ABCA10: variants seen among roughly 807,000 people sequenced by gnomAD.
ABCA10 encodes the protein ATP-binding cassette sub-family A member 10.
In ABCA10, 169 loss-of-function variants were observed where a neutral mutation model predicts 187.5. The observed-to-expected ratio is 0.90, with a 90% CI of 0.80 to 1.02. ABCA10 has a LOEUF of 1.02. ABCA10 is among the 50% of genes least tolerant of loss of function. The probability of loss-of-function intolerance (pLI) is 0.00; values close to 1 mark genes in which losing one functional copy is unlikely to be tolerated. For missense variants in ABCA10, 1,727 were observed against 1,812.4 expected (o/e 0.95, Z 0.86); for synonymous variants, 574 against 601.8 (o/e 0.95, Z 0.68).
At chr17:69,175,280 T>C (rs2074325891) in intron 23 of ABCA10, 126 bp downstream of exon 23, 2 of 755,700 alleles carry the variant, frequency 2.6e-6, no homozygotes, top group Non-Finnish European at 4.2e-6. Context: ...ATACTGATAT[T>C]AGATTGTAAT....
intron 32 of ABCA10, 115 bp downstream of exon 32, chr17:69,153,716 T>C (rs1428968153): frequency 1.4e-6 from 2 of 1,462,432 alleles, no homozygotes; most frequent in Non-Finnish European, 1.8e-6. Context: ...ATTTGAATCA[T>C]TTTATTTGCA....
chr17:69,239,008 G>A, intron 1 of ABCA10, among the ~76,000 whole-genome samples: 1 of 152,180 alleles, frequency 6.6e-6, no homozygotes, highest in East Asian at 1.9e-4. Flanking sequence ...CCTAGCTGTT[G>A]TCAAAGATAA....
At chr17:69,243,555 T>C (rs755178598) in intron 1 of ABCA10, among the ~76,000 whole-genome samples, 2 of 152,372 alleles carry the variant, frequency 1.3e-5, no homozygotes, top group African/African-American at 4.8e-5. Flanking sequence ...TATGCAAGTG[T>C]GGCTGCAAGC....
intron 1 of ABCA10, among the ~76,000 whole-genome samples, chr17:69,238,408 C>T (rs1347722813): frequency 6.6e-6 from 1 of 152,116 alleles, no homozygotes; most frequent in African/African-American, 2.4e-5. Flanking sequence ...GTCAAGAAAA[C>T]AATGGGGGTT....
intron 6 of ABCA10, 110 bp from the exon 7 acceptor site, chr17:69,216,468 C>T: frequency 1.6e-6 from 2 of 1,245,098 alleles, no homozygotes; most frequent in Non-Finnish European, 2.2e-6. Flanking sequence ...TAAATTTATT[C>T]TAAATGGGTG....
intron 20 of ABCA10, among the ~76,000 whole-genome samples, chr17:69,184,558 T>A (rs1360096526): frequency 6.6e-6 from 1 of 151,964 alleles, no homozygotes; most frequent in Non-Finnish European, 1.5e-5. Flanking sequence ...AAATAATAGA[T>A]GTTGGCATGG....
At position 69,216,329 on chromosome 17, in the gene ABCA10, A is replaced by G; in HGVS notation, c.560T>C (p.Phe187Ser). 6.2e-7 allele frequency: 1 copy of G among 1,613,162 alleles called. No individual in the cohort carries two copies. Among genetic ancestry groups the G allele is most frequent in the Non-Finnish European group, 8.5e-7 (1 of 1,179,566 alleles). The change falls in exon 7 of 39, where the codon TTC (phenylalanine) becomes TCC (serine). Residue 187 changes from phenylalanine (F) to serine (S), a missense_variant. Physicochemically the swap from Phe to Ser is radical, Grantham distance 155. Coordinates refer to ENST00000690296, the MANE Select transcript of ABCA10 (RefSeq NM_001377321.1). Reference sequence around the variant, plus strand: ...CATAAAAATGGACATAATGAAGATGAAGCAAATGTATGTCAATCCCCAGGA... The same window carrying G: ...CATAAAAATGGACATAATGAAGATGGAGCAAATGTATGTCAATCCCCAGGA... Reference protein sequence around the residue: ...WLSWGLTYICFIFIMSIFMAL... With the variant: ...WLSWGLTYICSIFIMSIFMAL...
intron 27 of ABCA10, among the ~76,000 whole-genome samples, chr17:69,160,317 G>A (rs1224918129): frequency 6.6e-6 from 1 of 151,902 alleles, no homozygotes; most frequent in Non-Finnish European, 1.5e-5. Flanking sequence ...TTTAAAAATG[G>A]GCAAATAATG....
chr17:69,183,520 G>T lies in ABCA10; in HGVS notation c.2498-712C>A, dbSNP rs868543891. 7.9e-5 allele frequency among the ~76,000 whole-genome samples: 12 copies of T among 152,136 alleles called. 1 individual carries two copies. Among genetic ancestry groups the T allele is most frequent in the African/African-American group, 2.7e-4 (11 of 41,428 alleles). On this transcript the variant is annotated intron_variant, in intron 20 of 38. Coordinates refer to ENST00000690296, the MANE Select transcript of ABCA10 (RefSeq NM_001377321.1). ...GGCGGCTTGCAGCTGCAGGCTCCAT[G>T]AGACAGCTGAAAAACTGAGTGCCCT...
chr17:69,194,047 T>C (rs898063831), intron 12 of ABCA10, 58 bp from the exon 13 acceptor site: 2 of 1,429,590 alleles, frequency 1.4e-6, no homozygotes, highest in South Asian at 1.4e-5. Flanking sequence ...TGCAGAGTGA[T>C]AATATATGTT....
At chr17:69,229,950 CT>C (rs1309040110), upstream of ABCA10, among the ~76,000 whole-genome samples, 1 of 151,952 alleles carries the variant, frequency 6.6e-6, no homozygotes, top group Non-Finnish European at 1.5e-5. Context: ...TCCATAATTG[CT>C]GTGATTTGAA....
intron 6 of ABCA10, 75 bp from the exon 7 acceptor site, chr17:69,216,433 A>G: frequency 6.8e-7 from 1 of 1,472,374 alleles, no homozygotes; most frequent in Non-Finnish European, 9.1e-7. Context: ...GAAATGGTTA[A>G]GAGTAAAAGC....
Position 69,153,609 on chromosome 17 carries a change from GTAGGAAACT to G in ABCA10, c.3966-72_3966-64del. ...GCAAATGGACCTATCTAAAACAACT[GTAGGAAACT>G]CTAAGCACTATTATTCTAGATAGTA... On this transcript the variant is annotated intron_variant, in intron 32 of 38. Coordinates refer to ENST00000690296, the MANE Select transcript of ABCA10 (RefSeq NM_001377321.1). 3 of 1,579,364 alleles carry G rather than the reference GTAGGAAACT, an allele frequency of 1.9e-6. No homozygotes were observed. In the African/African-American group the frequency reaches 4.1e-5, roughly 21 times the overall value.
At chr17:69,221,398 A>C (rs1344738465) in intron 5 of ABCA10, among the ~76,000 whole-genome samples, 1 of 152,216 alleles carries the variant, frequency 6.6e-6, no homozygotes, top group African/African-American at 2.4e-5. Context: ...AAGTGGATAA[A>C]GGAAGGTCTT....
chr17:69,164,537 T>A (rs1440039188), intron 26 of ABCA10, among the ~76,000 whole-genome samples: 2 of 152,084 alleles, frequency 1.3e-5, no homozygotes, highest in African/African-American at 4.8e-5. Flanking sequence ...AGTCATACAC[T>A]CCAAAAGCAA....
chr17:69,193,138 T>C lies in ABCA10; in HGVS notation c.1752A>G (p.Gln584=), dbSNP rs748870212. The C allele has an allele frequency of 6.2e-7, 1 of 1,611,560 alleles. No individual in the cohort carries two copies. ...KVDRLILFST[Q]FMDEADILAD... is the part of the protein sequence containing the mutation. ...CCAAGATGTCAGCCTCATCCATGAA[T>C]TGGGTACTGAAGAGGATAAGTCGGT... is the stretch of plus-strand genomic sequence containing the variant. The change falls in exon 15 of 39, where the codon CAA becomes CAG. Residue 584 remains glutamine (Q), a synonymous_variant. Transcript: ENST00000690296.
chr17:69,208,147 G>A (rs989607447), intron 9 of ABCA10, among the ~76,000 whole-genome samples: 3 of 152,070 alleles, frequency 2.0e-5, no homozygotes, highest in African/African-American at 7.2e-5. Flanking sequence ...GCCAGGCGCG[G>A]TGGCTCACGC....
chr17:69,225,542 A>C lies in ABCA10; in HGVS notation c.-171-13T>G, dbSNP rs1183520410. The C allele has an allele frequency of 1.8e-6, 1 of 559,812 alleles. No individual in the cohort carries two copies. The highest frequency in any genetic ancestry group is 3.1e-6 in the Non-Finnish European group (1 of 318,766). The allele number at this position is 559,812 out of a possible 1,614,324, so 34.7% of individuals were successfully genotyped here. A position where few individuals can be genotyped will look rare whatever the true frequency, so the allele number is the denominator to read the frequency against. On this transcript the variant is annotated splice_polypyrimidine_tract_variant and intron_variant, in intron 2 of 38. Transcript: ENST00000690296. Reference sequence around the variant, plus strand: ...TTATTGTCCATTCCTCCAGCACACAAAAGAGAAATGAGCCATGTTATAACG... The same window carrying C: ...TTATTGTCCATTCCTCCAGCACACACAAGAGAAATGAGCCATGTTATAACG...
At chr17:69,223,004 C>A (rs1031148250) in intron 3 of ABCA10, among the ~76,000 whole-genome samples, 5 of 148,822 alleles carry the variant, frequency 3.4e-5, no homozygotes, top group Admixed American at 2.7e-4. Flanking sequence ...TATATATGAC[C>A]ATGTGCATAT....
Sources: gnomAD v4.1 joint callset for allele counts (sites outside exome capture counted in the v4.1 genomes callset) on GRCh38, gnomAD v4.1.1 for gene constraint, MANE v1.5 for transcripts, NCBI Gene and HGNC (gene_info 2026-07-23, HGNC 2026-07-21) for gene names.